Variants in ADGRL3 observed in about 807,000 individuals in gnomAD.
ADGRL3 encodes calcium-independent alpha-latrotoxin receptor 3.
ADGRL3 carries 62 observed loss-of-function variants against 153.5 expected under a neutral mutation model. The ratio of observed to expected loss-of-function variants is 0.40; its 90% CI spans 0.33 to 0.50. ADGRL3 has a LOEUF of 0.50. Among genes scored for constraint, ADGRL3 ranks in the 20% least tolerant of loss-of-function variants. ADGRL3 has a pLI of 0.47. For synonymous variants in ADGRL3, 710 were observed against 672.5 expected, an observed-to-expected ratio of 1.06 and a Z score of -0.86; for missense variants, 1,641 against 1,859.4, an observed-to-expected ratio of 0.88 and a Z score of 2.16.
intron 9 of ADGRL3, among the ~76,000 whole-genome samples, chr4:61,870,052 A>G (rs1303867987): frequency 1.4e-4 from 21 of 150,628 alleles, no homozygotes; most frequent in Non-Finnish European, 1.9e-4. Context: ...AAGAAAAGAA[A>G]GGAAAAAACG....
At chr4:61,939,501 A>T (rs1306856294) in intron 15 of ADGRL3, among the ~76,000 whole-genome samples, 1 of 143,682 alleles carries the variant, frequency 7.0e-6, no homozygotes, top group Non-Finnish European at 1.5e-5. Context: ...ACGGAGTCTC[A>T]CTCTGTCACC....
At chr4:61,323,233 C>T (rs534637493) in intron 1 of ADGRL3, among the ~76,000 whole-genome samples, 2 of 152,254 alleles carry the variant, frequency 1.3e-5, no homozygotes, top group African/African-American at 4.8e-5. Context: ...GCCCAGGAAA[C>T]CACTTTTTCT....
chr4:61,776,820 C>T (rs1358470421), intron 8 of ADGRL3, among the ~76,000 whole-genome samples: 1 of 152,116 alleles, frequency 6.6e-6, no homozygotes, highest in African/African-American at 2.4e-5. Context: ...TTTCCCAAAA[C>T]AATGCATCAA....
At chr4:61,314,272 C>A (rs1004936455) in intron 1 of ADGRL3, among the ~76,000 whole-genome samples, 1 of 149,664 alleles carries the variant, frequency 6.7e-6, no homozygotes, top group Non-Finnish European at 1.5e-5. Flanking sequence ...TGCAATGGTG[C>A]GATCTTGGCT....
chr4:61,600,853 T>C (rs982697732), intron 5 of ADGRL3, among the ~76,000 whole-genome samples: 4 of 152,220 alleles, frequency 2.6e-5, no homozygotes, highest in African/African-American at 9.6e-5. Flanking sequence ...CATGGTATAT[T>C]TACATTTGTG....
intron 9 of ADGRL3, among the ~76,000 whole-genome samples, chr4:61,851,413 A>T (rs1581145582): frequency 6.6e-6 from 1 of 151,722 alleles, no homozygotes; most frequent in Non-Finnish European, 1.5e-5. Flanking sequence ...ATAACGAGAG[A>T]CCTTCTCTCT....
At position 62,051,273 on chromosome 4, in the gene ADGRL3, T is replaced by C. The variant is rs571796123; in HGVS notation, c.3814+6724T>C. ...AACAATAAAATAAAGAAGCCTGTGT[T>C]AGGAAAATCAGTTTAATAACACAAA... On this transcript the variant is annotated intron_variant, in intron 25 of 26. Transcript: ENST00000683033. Among the ~76,000 whole-genome samples the C allele has an allele frequency of 6.0e-5, 9 of 150,978 alleles. No homozygotes were observed. The East Asian group carries it at 1.4e-3, about 23-fold the overall frequency.
intron 5 of ADGRL3, among the ~76,000 whole-genome samples, chr4:61,602,610 T>C (rs1447357341): frequency 6.6e-6 from 1 of 152,164 alleles, no homozygotes; most frequent in Admixed American, 6.5e-5. Flanking sequence ...CTAAGATTAG[T>C]TTCAATCCCA....
chr4:61,336,372 G>A (rs563109572), intron 1 of ADGRL3, among the ~76,000 whole-genome samples: 1 of 152,226 alleles, frequency 6.6e-6, no homozygotes, highest in East Asian at 1.9e-4. Context: ...CACTCCATAT[G>A]GATTGCAAAT....
intron 7 of ADGRL3, among the ~76,000 whole-genome samples, chr4:61,731,447 A>T (rs1437041807): frequency 2.0e-5 from 3 of 152,082 alleles, no homozygotes; most frequent in Non-Finnish European, 4.4e-5. Context: ...TAATTTTTTC[A>T]CCCAGTACAC....
intron 9 of ADGRL3, among the ~76,000 whole-genome samples, chr4:61,818,715 A>G (rs924884827): frequency 6.6e-6 from 1 of 151,932 alleles, no homozygotes; most frequent in African/African-American, 2.4e-5. Context: ...TCTACCTTAA[A>G]ATGGTTGTCC....
intron 8 of ADGRL3, among the ~76,000 whole-genome samples, chr4:61,739,816 C>T (rs2096562513): frequency 6.6e-6 from 1 of 152,018 alleles, no homozygotes; most frequent in Non-Finnish European, 1.5e-5. Context: ...AACAGAAGTA[C>T]ATTAATACGT....
chr4:61,985,791 C>T (rs1240791583), intron 19 of ADGRL3, among the ~76,000 whole-genome samples: 1 of 151,806 alleles, frequency 6.6e-6, no homozygotes, highest in Non-Finnish European at 1.5e-5. Flanking sequence ...TATATAAAAC[C>T]ATTTGTCTAA....
At chr4:61,407,731 CAT>C (rs2152221813) in intron 2 of ADGRL3, among the ~76,000 whole-genome samples, 1 of 152,266 alleles carries the variant, frequency 6.6e-6, no homozygotes, top group East Asian at 1.9e-4. Context: ...ATGAAATGTA[CAT>C]ACTTTACCAT....
chr4:61,528,786 T>G (rs1239742047), intron 4 of ADGRL3, among the ~76,000 whole-genome samples: 1 of 152,096 alleles, frequency 6.6e-6, no homozygotes, highest in African/African-American at 2.4e-5. Flanking sequence ...AAAATTCACT[T>G]TCTGTCGCAT....
At chr4:61,677,392 T>C in intron 6 of ADGRL3, 1 of 423,608 alleles carries the variant, frequency 2.4e-6, no homozygotes, top group Non-Finnish European at 4.5e-6. Context: ...CCAGAAGGAG[T>C]AGACCAGAAA....
At chr4:61,826,573 G>T (rs1004636745) in intron 9 of ADGRL3, among the ~76,000 whole-genome samples, 7 of 152,176 alleles carry the variant, frequency 4.6e-5, no homozygotes, top group African/African-American at 9.7e-5. Context: ...CCACAATCAT[G>T]CAGGGTCTTG....
chr4:61,368,223 C>T (rs1378543907), intron 1 of ADGRL3, among the ~76,000 whole-genome samples: 1 of 152,048 alleles, frequency 6.6e-6, no homozygotes, highest in Non-Finnish European at 1.5e-5. Flanking sequence ...TTTTGCTGTG[C>T]AGAAGCTCTT....
chr4:61,680,048 G>A (rs773225116), intron 6 of ADGRL3, among the ~76,000 whole-genome samples: 6 of 151,626 alleles, frequency 4.0e-5, no homozygotes, highest in Non-Finnish European at 8.8e-5. Context: ...TAACTAGTTT[G>A]TACCATGAAA....
Sources: gnomAD v4.1 joint callset for allele counts (sites outside exome capture counted in the v4.1 genomes callset) on GRCh38, gnomAD v4.1.1 for gene constraint, MANE v1.5 for transcripts, NCBI Gene and HGNC (gene_info 2026-07-23, HGNC 2026-07-21) for gene names.